NAA16: variants seen among roughly 807,000 people sequenced by gnomAD.
NAA16 encodes NARG1-like protein.
Under a neutral mutation model 110.3 loss-of-function variants are expected in NAA16, and 97 were observed. The observed-to-expected ratio is 0.88, with a 90% CI of 0.75 to 1.04. The LOEUF is 1.04. Ranked by LOEUF, NAA16 falls within the 50% of genes least tolerant of loss-of-function variation. NAA16 has a pLI of 0.00. For synonymous variants in NAA16, 372 were observed against 330.6 expected, an observed-to-expected ratio of 1.13 and a Z score of -1.36; for missense variants, 1,017 against 1,005.1, an observed-to-expected ratio of 1.01 and a Z score of -0.16.
intron 14 of NAA16, among the ~76,000 whole-genome samples, chr13:41,367,887 A>G (rs921650761): frequency 6.6e-6 from 1 of 152,062 alleles, no homozygotes; most frequent in East Asian, 1.9e-4. Context: ...AATTTTTTTT[A>G]TTTTTGTCTT....
At chr13:41,332,422 T>G (rs1026398340) in intron 8 of NAA16, among the ~76,000 whole-genome samples, 1 of 152,228 alleles carries the variant, frequency 6.6e-6, no homozygotes, top group Non-Finnish European at 1.5e-5. Flanking sequence ...TTGCTTTTAT[T>G]GTACAATAGT....
At chr13:41,355,269 C>A in intron 10 of NAA16, 53 bp downstream of exon 10, 3 of 1,094,372 alleles carry the variant, frequency 2.7e-6, no homozygotes, top group East Asian at 2.4e-5. Flanking sequence ...CATTTTTAAT[C>A]ACAGTAATGC....
chr13:41,360,112 GT>G (rs1212008614), intron 12 of NAA16, among the ~76,000 whole-genome samples: 2 of 152,170 alleles, frequency 1.3e-5, no homozygotes, highest in African/African-American at 4.8e-5. Context: ...AACCAATTAT[GT>G]TTTCAGAGAA....
intron 1 of NAA16, 56 bp downstream of exon 1, chr13:41,311,638 A>C: frequency 6.5e-7 from 1 of 1,539,378 alleles, no homozygotes; most frequent in Non-Finnish European, 8.8e-7. Flanking sequence ...TCGGGCCTTA[A>C]GGGCAAGCGG....
chr13:41,317,714 G>A (rs536014356), intron 2 of NAA16, among the ~76,000 whole-genome samples: 180 of 152,300 alleles, frequency 1.2e-3, no homozygotes, highest in Non-Finnish European at 2.1e-3. Flanking sequence ...AGCTGTGGAA[G>A]CTTTATCCAA....
At chr13:41,314,878 T>TC (rs1474593933) in intron 1 of NAA16, among the ~76,000 whole-genome samples, 1 of 152,090 alleles carries the variant, frequency 6.6e-6, no homozygotes. Flanking sequence ...ACACCTGTAG[T>TC]CCTTCCTATC....
Position 41,316,940 on chromosome 13 carries a change from C to T in NAA16, c.139+10C>T, listed in dbSNP as rs1555278866. 6.3e-7 allele frequency: 1 copy of T among 1,585,622 alleles called. No individual in the cohort carries two copies. The highest frequency in any genetic ancestry group is 8.7e-7 in the Non-Finnish European group (1 of 1,154,258). ...TTTGCTGAACATGGAGGTATTGTCT[C>T]ATGTGAGAGATTGCTTTAGGGAAAT... On this transcript the variant is annotated intron_variant, in intron 2 of 19. Coordinates refer to ENST00000379406, the MANE Select transcript of NAA16 (RefSeq NM_024561.5).
intron 8 of NAA16, among the ~76,000 whole-genome samples, chr13:41,332,996 G>T (rs1311023608): frequency 6.6e-6 from 1 of 152,114 alleles, no homozygotes; most frequent in Non-Finnish European, 1.5e-5. Context: ...GGAACATTAA[G>T]TCCAAGTGGA....
At chr13:41,359,083 T>C (rs2043057089) in intron 12 of NAA16, 121 bp downstream of exon 12, 2 of 809,704 alleles carry the variant, frequency 2.5e-6, no homozygotes, top group Admixed American at 3.7e-5. Flanking sequence ...ATTTTTATTA[T>C]TGTTTTTTAA....
chr13:41,373,114 C>G, intron 17 of NAA16: 1 of 944,004 alleles, frequency 1.1e-6, no homozygotes, highest in Non-Finnish European at 1.3e-6. Flanking sequence ...GTTAAATGAA[C>G]GTGTCTATAA....
At chr13:41,359,107 C>T (rs945715741) in intron 12 of NAA16, 145 bp downstream of exon 12, 7 of 711,426 alleles carry the variant, frequency 9.8e-6, no homozygotes, top group African/African-American at 7.1e-5. Context: ...CCCATTTAAC[C>T]CATATCCTAA....
intron 9 of NAA16, among the ~76,000 whole-genome samples, chr13:41,344,774 A>G (rs570495467): frequency 9.2e-4 from 140 of 152,346 alleles, no homozygotes; most frequent in African/African-American, 3.1e-3. Flanking sequence ...AAATTTACCT[A>G]TTAAAAGTAT....
intron 4 of NAA16, among the ~76,000 whole-genome samples, chr13:41,322,589 G>A (rs1212957713): frequency 6.6e-6 from 1 of 152,138 alleles, no homozygotes; most frequent in Non-Finnish European, 1.5e-5. Flanking sequence ...TGACAGAGAA[G>A]CAACAGTAAA....
At chr13:41,373,814 T>A (rs199608504) in intron 18 of NAA16, 34 bp downstream of exon 18, 26 of 1,554,250 alleles carry the variant, frequency 1.7e-5, no homozygotes, top group Non-Finnish European at 2.2e-5. Context: ...AAAATACTTA[T>A]GGAAAAAGCG....
chr13:41,317,815 T>C (rs2041847550), intron 2 of NAA16, among the ~76,000 whole-genome samples: 2 of 152,210 alleles, frequency 1.3e-5, no homozygotes, highest in Admixed American at 1.3e-4. Context: ...CTGAATACCA[T>C]AGAGTTTGAA....
Position 41,358,443 on chromosome 13 carries a change from A to G in NAA16, c.1227A>G (p.Glu409=). The change falls in exon 11 of 20, where the codon GAA becomes GAG. Residue 409 remains glutamate, a synonymous_variant. Transcript: ENST00000379406. ...AAIASTPTLI[E]LFYMKAKIYK... ...TTGCTAGTACTCCAACTCTAATAGA[A>G]TTATTCTATATGAAAGCAAAAATTT... 2 of 1,613,454 alleles carry G rather than the reference A, an allele frequency of 1.2e-6. No individual in the cohort carries two copies. Among genetic ancestry groups the G allele is most frequent in the Admixed American group, 1.7e-5 (1 of 60,012 alleles).
intron 9 of NAA16, among the ~76,000 whole-genome samples, chr13:41,346,347 C>T (rs1166714466): frequency 6.6e-6 from 1 of 152,170 alleles, no homozygotes; most frequent in Non-Finnish European, 1.5e-5. Context: ...GTATGACTGT[C>T]TTTATTGTTT....
At chr13:41,350,318 G>T (rs948884134) in intron 9 of NAA16, among the ~76,000 whole-genome samples, 3 of 149,598 alleles carry the variant, frequency 2.0e-5, no homozygotes, top group African/African-American at 7.4e-5. Context: ...TTTTGAGACG[G>T]AGTCTCGCTC....
chr13:41,370,901 C>T (rs1298057128), intron 15 of NAA16, among the ~76,000 whole-genome samples: 1 of 152,178 alleles, frequency 6.6e-6, no homozygotes, highest in Non-Finnish European at 1.5e-5. Flanking sequence ...AGGATTACAT[C>T]ATCAAGGATG....
Sources: allele counts gnomAD v4.1 joint callset (sites outside exome capture counted in the v4.1 genomes callset), GRCh38; gene constraint gnomAD v4.1.1; transcripts MANE v1.5; gene names NCBI Gene and HGNC (gene_info 2026-07-23, HGNC 2026-07-21).